Variants in JMY observed in about 807,000 individuals in gnomAD.
The protein encoded by JMY is junction mediating and regulatory protein, p53 cofactor, also known as junction-mediating and -regulatory protein.
In JMY, 46 loss-of-function variants were observed where a neutral mutation model predicts 103.3. The ratio of observed to expected loss-of-function variants is 0.45; its 90% confidence interval spans 0.35 to 0.57. JMY has a LOEUF of 0.57. JMY is among the 20% of genes least tolerant of loss of function. The pLI, the probability that JMY is intolerant of heterozygous loss-of-function variation, is 0.00. For missense variants in JMY, 1,238 were observed against 1,255.2 expected (o/e 0.99, Z 0.21); for synonymous variants, 526 against 489.3 (o/e 1.07, Z -0.99).
At chr5:79,301,712 C>T (rs3930426) in intron 6 of JMY, among the ~76,000 whole-genome samples, 94,252 of 151,994 alleles carry the variant, frequency 0.62, 29,929 homozygotes, top group African/African-American at 0.77. Context: ...GCTATTTCCC[C>T]GTGACAGTGG....
chr5:79,291,002 A>G, intron 3 of JMY, 128 bp from the exon 4 acceptor site: 1 of 628,354 alleles, frequency 1.6e-6, no homozygotes, highest in Non-Finnish European at 2.4e-6. Flanking sequence ...AAAAAAAGAA[A>G]AAAGTTATAA....
intron 1 of JMY, 96 bp from the exon 2 acceptor site, chr5:79,277,814 G>A (rs1745983817): frequency 4.7e-6 from 5 of 1,072,348 alleles, no homozygotes; most frequent in Admixed American, 2.5e-5. Context: ...GTGTTTTAGG[G>A]TTCCGAGGTC....
At chr5:79,271,425 A>G (rs905379006) in intron 1 of JMY, among the ~76,000 whole-genome samples, 4 of 152,088 alleles carry the variant, frequency 2.6e-5, no homozygotes, top group East Asian at 1.9e-4. Context: ...CTCTACTTCT[A>G]TTTTCTAGAA....
At chr5:79,250,650 C>CTTTTTTTTTT (rs200738584) in intron 1 of JMY, among the ~76,000 whole-genome samples, 6 of 122,736 alleles carry the variant, frequency 4.9e-5, no homozygotes, top group Non-Finnish European at 8.7e-5. Flanking sequence ...AATTATTTTT[C>CTTTTTTTTTT]TTTTTTTTTT....
chr5:79,262,606 G>T (rs1164436053), intron 1 of JMY, among the ~76,000 whole-genome samples: 2 of 152,144 alleles, frequency 1.3e-5, no homozygotes, highest in Admixed American at 1.3e-4. Context: ...CCAATACTTA[G>T]ATTAAAATAG....
chr5:79,253,409 C>G (rs1745147895), intron 1 of JMY, among the ~76,000 whole-genome samples: 1 of 152,046 alleles, frequency 6.6e-6, no homozygotes, highest in African/African-American at 2.4e-5. Flanking sequence ...TCTTCTGCCT[C>G]AGCCTCCTGA....
chr5:79,284,056 T>TTTA, intron 2 of JMY: 1 of 807,968 alleles, frequency 1.2e-6, no homozygotes, highest in African/African-American at 2.7e-5. Flanking sequence ...TACTTTCTTT[T>TTTA]TTTTATTTTT....
intron 1 of JMY, among the ~76,000 whole-genome samples, chr5:79,264,397 AT>A (rs547362196): frequency 3.7e-4 from 53 of 143,140 alleles, no homozygotes; most frequent in Admixed American, 1.4e-3. Context: ...ATAATTTTTA[AT>A]TTTTTTTTTT....
At chr5:79,284,953 C>G (rs1746225659) in intron 2 of JMY, 3 of 1,384,312 alleles carry the variant, frequency 2.2e-6, no homozygotes, top group Non-Finnish European at 3.0e-6. Flanking sequence ...AAGTTACTTT[C>G]AAATGAAAGT....
In JMY at chr5:79,237,006, C is replaced by T; in HGVS notation, c.356C>T (p.Thr119Ile). ...GCGGAGGGCGGCTCTCCTCGGAGCA[C>T]TCGCAGCCTTCTGGGGGACCCGCGG... The part of the protein sequence containing the change: ...AWAEGGSPRS[T>I]RSLLGDPRLR... The change falls in exon 1 of 11, where the codon ACT (threonine) becomes ATT (isoleucine). Residue 119 changes from threonine (T) to isoleucine (I), a missense_variant. Physicochemically the swap from Thr to Ile is moderately conservative, Grantham distance 89. Coordinates refer to ENST00000396137, the MANE Select transcript of JMY (RefSeq NM_152405.5). 2.0e-6 allele frequency: 3 copies of T among 1,482,644 alleles called. No individual in the cohort carries two copies. Among genetic ancestry groups the T allele is most frequent in the Non-Finnish European group, 2.7e-6 (3 of 1,117,190 alleles). The allele number at this position is 1,482,644 out of a possible 1,614,324, so 91.8% of individuals were successfully genotyped here. A position where few individuals can be genotyped will look rare whatever the true frequency, so the allele number is the denominator to read the frequency against.
In JMY at chr5:79,290,248, A is replaced by G; in HGVS notation, c.1334A>G (p.Glu445Gly). Residue 445 changes from glutamate to glycine, a missense_variant, in exon 3 of 11, where the codon GAA becomes GGA. Coordinates refer to ENST00000396137, the MANE Select transcript of JMY (RefSeq NM_152405.5). ...SIQDLTVKYF[E>G]ITAKAQKAVY... ...CAAGATCTTACTGTCAAGTACTTTGAAATAACAGCTAAAGCTCAAAAAGGT... is the reference window on the plus strand; with the variant it reads ...CAAGATCTTACTGTCAAGTACTTTGGAATAACAGCTAAAGCTCAAAAAGGT... The G allele has an allele frequency of 1.3e-6, 2 of 1,512,942 alleles. No individual in the cohort carries two copies. Among genetic ancestry groups the G allele is most frequent in the Non-Finnish European group, 1.8e-6 (2 of 1,125,814 alleles). The allele number at this position is 1,512,942 out of a possible 1,614,324, so 93.7% of individuals were successfully genotyped here.
At chr5:79,288,701 T>TTTTTG (rs1017645477) in intron 2 of JMY, among the ~76,000 whole-genome samples, 4 of 151,806 alleles carry the variant, frequency 2.6e-5, no homozygotes, top group Non-Finnish European at 5.9e-5. Context: ...ATTCTAATTC[T>TTTTTG]TTTTGTTTTG....
At chr5:79,277,776 T>C (rs1745983061) in intron 1 of JMY, 134 bp from the exon 2 acceptor site, 1 of 633,170 alleles carries the variant, frequency 1.6e-6, no homozygotes, top group Admixed American at 3.0e-5. Flanking sequence ...TGAAAAGCAG[T>C]CAATGCTTTT....
chr5:79,300,340 A>AT (rs767423178), intron 5 of JMY, 22 bp downstream of exon 5: 1 of 1,489,068 alleles, frequency 6.7e-7, no homozygotes, highest in Non-Finnish European at 8.9e-7. Context: ...ATTTAACCAC[A>AT]TAAGTTCACC....
chr5:79,283,043 C>G (rs1480886099), intron 2 of JMY, among the ~76,000 whole-genome samples: 1 of 151,196 alleles, frequency 6.6e-6, no homozygotes, highest in Non-Finnish European at 1.5e-5. Flanking sequence ...GTTGCCCAGG[C>G]TGGAGTGCAG....
In JMY at chr5:79,327,115, C is replaced by T. The variant is rs1223266267; in HGVS notation, c.*5513C>T. On this transcript the variant is annotated 3_prime_UTR_variant, in exon 11 of 11. Transcript: ENST00000396137. The stretch of plus-strand genomic sequence containing the variant: ...CTTGTACACCAAGTATTGCAATCAC[C>T]TTTCTCTTGTTGTACATGCAATGTA... 1 of 152,166 alleles carries T rather than the reference C, an allele frequency of 6.6e-6. No individual in the cohort carries two copies. The highest frequency in any genetic ancestry group is 1.5e-5 in the Non-Finnish European group (1 of 68,032). The allele number at this position is 152,166 out of a possible 1,614,324, so 9.4% of individuals were successfully genotyped here. A position where few individuals can be genotyped will look rare whatever the true frequency, so the allele number is the denominator to read the frequency against.
intron 1 of JMY, among the ~76,000 whole-genome samples, chr5:79,259,564 G>A (rs1745354764): frequency 6.6e-6 from 1 of 152,208 alleles, no homozygotes; most frequent in Non-Finnish European, 1.5e-5. Flanking sequence ...TTGTGCCAAG[G>A]AGTGTCTGTG....
At chr5:79,309,366 C>G (rs1746977031) in intron 7 of JMY, among the ~76,000 whole-genome samples, 1 of 152,092 alleles carries the variant, frequency 6.6e-6, no homozygotes, top group Non-Finnish European at 1.5e-5. Flanking sequence ...CCCCTCTATT[C>G]CTAGGTTGCT....
At chr5:79,240,318 C>A (rs1439403447) in intron 1 of JMY, among the ~76,000 whole-genome samples, 1 of 151,386 alleles carries the variant, frequency 6.6e-6, no homozygotes, top group East Asian at 2.0e-4. Flanking sequence ...CCAGCCTCCC[C>A]CCGCCCCCTC....
Sources: gnomAD v4.1 joint callset for allele counts (sites outside exome capture counted in the v4.1 genomes callset) on GRCh38, gnomAD v4.1.1 for gene constraint, MANE v1.5 for transcripts, NCBI Gene and HGNC (gene_info 2026-07-23, HGNC 2026-07-21) for gene names.